Variants in XYLT1 observed in about 807,000 individuals in gnomAD.
XYLT1 encodes beta-D-xylosyltransferase 1.
A neutral mutation model predicts 91.3 loss-of-function variants in XYLT1; 36 were observed. That is an observed-to-expected ratio of 0.39 (90% CI 0.30 to 0.52). The LOEUF is 0.52. Among genes scored for constraint, XYLT1 ranks in the 20% least tolerant of loss-of-function variants. The probability of loss-of-function intolerance (pLI) is 0.68; values close to 1 mark genes in which losing one functional copy is unlikely to be tolerated. For synonymous variants in XYLT1, 588 were observed against 532.0 expected (o/e 1.11, Z -1.45); for missense variants, 1,242 against 1,284.5 (o/e 0.97, Z 0.51).
At chr16:17,385,067 C>T (rs2035729887) in intron 1 of XYLT1, among the ~76,000 whole-genome samples, 1 of 151,770 alleles carries the variant, frequency 6.6e-6, no homozygotes, top group African/African-American at 2.4e-5. Flanking sequence ...AAGCTGCTCA[C>T]AGCCTGACAG....
At chr16:17,161,671 T>TTG (rs1333187804) in intron 5 of XYLT1, among the ~76,000 whole-genome samples, 1 of 94,296 alleles carries the variant, frequency 1.1e-5, no homozygotes. Flanking sequence ...TTCCAGTTTC[T>TTG]CGCGCGCTCT....
At chr16:17,241,577 C>T (rs1048688836) in intron 3 of XYLT1, among the ~76,000 whole-genome samples, 5 of 152,010 alleles carry the variant, frequency 3.3e-5, no homozygotes, top group Non-Finnish European at 7.4e-5. Flanking sequence ...TTTTGCAAAA[C>T]GAAAAAGTTC....
intron 2 of XYLT1, among the ~76,000 whole-genome samples, chr16:17,286,771 G>A (rs1166810074): frequency 6.6e-6 from 1 of 152,120 alleles, no homozygotes; most frequent in African/African-American, 2.4e-5. Flanking sequence ...TCACCACAAA[G>A]TATAGCCATC....
At chr16:17,124,101 T>G (rs2030172721) in intron 10 of XYLT1, among the ~76,000 whole-genome samples, 1 of 152,192 alleles carries the variant, frequency 6.6e-6, no homozygotes, top group Non-Finnish European at 1.5e-5. Context: ...ATCTTTTAAG[T>G]GAAGCTTTTA....
At chr16:17,274,656 A>G (rs1388101236) in intron 2 of XYLT1, among the ~76,000 whole-genome samples, 2 of 152,162 alleles carry the variant, frequency 1.3e-5, no homozygotes, top group Non-Finnish European at 2.9e-5. Context: ...TCCAAGGAGA[A>G]TGGAGGAGAC....
At chr16:17,448,301 G>A (rs1204471956) in intron 1 of XYLT1, among the ~76,000 whole-genome samples, 1 of 152,156 alleles carries the variant, frequency 6.6e-6, no homozygotes, top group African/African-American at 2.4e-5. Context: ...GGAGGCGGAG[G>A]TTGCAGTGAG....
chr16:17,122,783 G>A (rs1222933967), intron 10 of XYLT1, among the ~76,000 whole-genome samples: 4 of 152,102 alleles, frequency 2.6e-5, no homozygotes, highest in African/African-American at 9.7e-5. Flanking sequence ...ATGAGGATTC[G>A]GTTCCATTCT....
intron 9 of XYLT1, among the ~76,000 whole-genome samples, chr16:17,130,861 A>G (rs537891001): frequency 1.6e-5 from 2 of 123,708 alleles, no homozygotes; most frequent in South Asian, 5.7e-4. Context: ...CCTGGTCCAC[A>G]AAGCCCTACC....
At chr16:17,313,515 T>C (rs1447902003) in intron 2 of XYLT1, among the ~76,000 whole-genome samples, 2 of 152,190 alleles carry the variant, frequency 1.3e-5, no homozygotes, top group Non-Finnish European at 2.9e-5. Flanking sequence ...AGATGATCTA[T>C]GCATGTGGAC....
At chr16:17,272,659 C>T (rs1165159028) in intron 2 of XYLT1, among the ~76,000 whole-genome samples, 1 of 152,182 alleles carries the variant, frequency 6.6e-6, no homozygotes, top group Non-Finnish European at 1.5e-5. Context: ...CAACACTGAG[C>T]TTAGATTTCT....
chr16:17,438,476 T>C (rs2036489732), intron 1 of XYLT1, among the ~76,000 whole-genome samples: 1 of 151,774 alleles, frequency 6.6e-6, no homozygotes, highest in Admixed American at 6.6e-5. Flanking sequence ...TACGTAAGAG[T>C]GGAGGACTGT....
intron 1 of XYLT1, among the ~76,000 whole-genome samples, chr16:17,358,529 G>T (rs1361423792): frequency 6.6e-6 from 1 of 152,128 alleles, no homozygotes; most frequent in Non-Finnish European, 1.5e-5. Context: ...ATTCTACAGA[G>T]ACATCAGGAC....
chr16:17,321,058 A>G (rs919523523), intron 2 of XYLT1, among the ~76,000 whole-genome samples: 5 of 152,068 alleles, frequency 3.3e-5, no homozygotes, highest in African/African-American at 1.2e-4. Flanking sequence ...CCTCATCTAC[A>G]AAGTGCTCCT....
intron 3 of XYLT1, among the ~76,000 whole-genome samples, chr16:17,247,968 A>G (rs1172119233): frequency 6.6e-6 from 1 of 152,132 alleles, no homozygotes; most frequent in Admixed American, 6.5e-5. Context: ...CTGTAGAGAG[A>G]GGATGTGAGA....
At chr16:17,253,920 T>C (rs2033589099) in intron 3 of XYLT1, among the ~76,000 whole-genome samples, 1 of 151,130 alleles carries the variant, frequency 6.6e-6, no homozygotes, top group Non-Finnish European at 1.5e-5. Context: ...AAAGTGACCC[T>C]TCTGCCTCCC....
chr16:17,144,133 G>C (rs1186540276), intron 6 of XYLT1, among the ~76,000 whole-genome samples: 1 of 152,098 alleles, frequency 6.6e-6, no homozygotes, highest in Non-Finnish European at 1.5e-5. Flanking sequence ...TGTGATTACT[G>C]TCTACCCTTT....
intron 3 of XYLT1, among the ~76,000 whole-genome samples, chr16:17,213,371 G>T (rs185251812): frequency 4.5e-4 from 68 of 152,198 alleles, no homozygotes; most frequent in Non-Finnish European, 6.6e-4. Context: ...ATCCACTCAG[G>T]TATTTCTTTA....
intron 5 of XYLT1, among the ~76,000 whole-genome samples, chr16:17,197,152 T>C (rs1161551154): frequency 6.6e-6 from 1 of 151,566 alleles, no homozygotes; most frequent in Non-Finnish European, 1.5e-5. Flanking sequence ...TCTGACTTTA[T>C]CTCTCTTGTT....
At chr16:17,124,677 C>T (rs1294181338) in intron 10 of XYLT1, among the ~76,000 whole-genome samples, 1 of 152,206 alleles carries the variant, frequency 6.6e-6, no homozygotes, top group Non-Finnish European at 1.5e-5. Context: ...AAGTTTTCCT[C>T]AATTATTCCA....
Sources: gnomAD v4.1 joint callset for allele counts (sites outside exome capture counted in the v4.1 genomes callset) on GRCh38, gnomAD v4.1.1 for gene constraint, MANE v1.5 for transcripts, NCBI Gene and HGNC (gene_info 2026-07-23, HGNC 2026-07-21) for gene names.